Variants in STK3 observed in about 807,000 individuals in gnomAD.
STK3 encodes serine/threonine-protein kinase 3.
STK3 carries 41 observed loss-of-function variants against 58.0 expected under a neutral mutation model. That is an observed-to-expected ratio of 0.71 (90% CI 0.55 to 0.92). The LOEUF is 0.92. Ranked by LOEUF, STK3 falls within the 40% of genes least tolerant of loss-of-function variation. The pLI is 0.00. For missense variants in STK3, 479 were observed against 602.7 expected (o/e 0.79, Z 2.15); for synonymous variants, 170 against 191.0 (o/e 0.89, Z 0.91).
At chr8:98,369,928 G>A (rs1467740423), downstream of STK3, among the ~76,000 whole-genome samples, 1 of 152,024 alleles carries the variant, frequency 6.6e-6, no homozygotes, top group Admixed American at 6.5e-5. Flanking sequence ...TGGGGTGAGG[G>A]TTCCTGCGTG....
intron 8 of STK3, among the ~76,000 whole-genome samples, chr8:98,577,949 T>TA (rs958135042): frequency 2.3e-4 from 35 of 149,452 alleles, no homozygotes; most frequent in Middle Eastern, 3.5e-3. Context: ...TTAAGCATGT[T>TA]AAAAAAAAAA....
chr8:98,720,879 C>T (rs1333381146), intron 4 of STK3, among the ~76,000 whole-genome samples: 1 of 151,772 alleles, frequency 6.6e-6, no homozygotes, highest in Non-Finnish European at 1.5e-5. Flanking sequence ...ACCAACCAAT[C>T]AAAACAGCTA....
intron 4 of STK3, among the ~76,000 whole-genome samples, chr8:98,721,435 T>G (rs151206156): frequency 6.6e-6 from 1 of 152,002 alleles, no homozygotes; most frequent in Non-Finnish European, 1.5e-5. Context: ...CAGACTGAGG[T>G]GGGAGGATCA....
intron 6 of STK3, among the ~76,000 whole-genome samples, chr8:98,696,694 C>A (rs1303426992): frequency 6.6e-6 from 1 of 152,062 alleles, no homozygotes; most frequent in South Asian, 2.1e-4. Flanking sequence ...GTCTTGCATC[C>A]CAGGGATGAA....
At chr8:98,476,699 G>A in intron 10 of STK3, among the ~76,000 whole-genome samples, 2 of 152,262 alleles carry the variant, frequency 1.3e-5, no homozygotes, top group Non-Finnish European at 2.9e-5. Flanking sequence ...AATAGATTCT[G>A]GGTAAATGGT....
intron 1 of STK3, among the ~76,000 whole-genome samples, chr8:98,384,312 G>A (rs1320535433): frequency 6.6e-6 from 1 of 152,226 alleles, no homozygotes; most frequent in African/African-American, 2.4e-5. Flanking sequence ...AAAGACCATT[G>A]CAATAGGGGC....
intron 2 of STK3, among the ~76,000 whole-genome samples, chr8:98,434,510 C>T: frequency 6.6e-6 from 1 of 152,246 alleles, no homozygotes; most frequent in African/African-American, 2.4e-5. Context: ...ATGGCTGTTA[C>T]ATCCGGTCAA....
chr8:98,458,431 C>CTAT (rs1031276457), intron 10 of STK3, among the ~76,000 whole-genome samples: 2 of 151,940 alleles, frequency 1.3e-5, no homozygotes, highest in South Asian at 4.2e-4. Flanking sequence ...ATTGCTATTA[C>CTAT]TATTATTATT....
chr8:98,683,959 G>A (rs914049778), intron 6 of STK3, among the ~76,000 whole-genome samples: 1 of 152,034 alleles, frequency 6.6e-6, no homozygotes, highest in Non-Finnish European at 1.5e-5. Context: ...TCATTTGATG[G>A]AAAACTATGA....
At chr8:98,727,471 T>C (rs893740672) in intron 4 of STK3, among the ~76,000 whole-genome samples, 4 of 152,170 alleles carry the variant, frequency 2.6e-5, no homozygotes, top group Non-Finnish European at 5.9e-5. Flanking sequence ...TGAGCTGGCT[T>C]AGGCTGGGTT....
chr8:98,848,696 GC>G (rs1348906800), intron 3 of STK3, among the ~76,000 whole-genome samples: 1 of 152,102 alleles, frequency 6.6e-6, no homozygotes, highest in Admixed American at 6.6e-5. Flanking sequence ...TCCTTTTATT[GC>G]TGGATAATAT....
intron 3 of STK3, among the ~76,000 whole-genome samples, chr8:98,422,322 C>T (rs184818770): frequency 7.0e-4 from 107 of 152,272 alleles, no homozygotes; most frequent in African/African-American, 2.5e-3. Context: ...CCCCTCCCCC[C>T]ACTCCAACTT....
rs147377297 is a variant in STK3 at position 98,648,274 on chromosome 8, A to G, written c.685-52105T>C. On this transcript the variant is annotated intron_variant, in intron 6 of 10. Transcript: ENST00000419617. Reference sequence around the variant, plus strand: ...TCATAGCAAACAGTGGAATATAACTACATTAATTGGTATACACAGAACTCC... The same window carrying G: ...TCATAGCAAACAGTGGAATATAACTGCATTAATTGGTATACACAGAACTCC... Among the ~76,000 whole-genome samples the G allele has an allele frequency of 6.6e-4, 100 of 152,312 alleles. 1 individual carries two copies. Among genetic ancestry groups the G allele is most frequent in the African/African-American group, 2.3e-3 (97 of 41,568 alleles).
chr8:98,693,494 C>G (rs748856217), intron 6 of STK3, among the ~76,000 whole-genome samples: 1 of 151,994 alleles, frequency 6.6e-6, no homozygotes, highest in East Asian at 1.9e-4. Flanking sequence ...CTAAGGAAAA[C>G]AGGATTGCAG....
intron 1 of STK3, among the ~76,000 whole-genome samples, chr8:98,812,597 T>A (rs917553574): frequency 6.6e-6 from 1 of 152,264 alleles, no homozygotes; most frequent in Non-Finnish European, 1.5e-5. Flanking sequence ...ATATGTTTAC[T>A]GTGGCACAAT....
In STK3 at chr8:98,428,516, C is replaced by T; in HGVS notation, n.483+5611G>A. The T allele has an allele frequency of 6.2e-7, 1 of 1,614,144 alleles. No individual in the cohort carries two copies. Among genetic ancestry groups the T allele is most frequent in the Non-Finnish European group, 8.5e-7 (1 of 1,180,040 alleles). Reference sequence around the variant, plus strand: ...GGCAGCTGTGGCTGGCGCTGGACAACCCCGGCTACTCAGTGCTGAGCAGGG... The same window carrying T: ...GGCAGCTGTGGCTGGCGCTGGACAATCCCGGCTACTCAGTGCTGAGCAGGG... On this transcript the variant is annotated intron_variant and non_coding_transcript_variant, in intron 3 of 3. Transcript: ENST00000517832. This position sits in a 1 kb window ranked among gnomAD's most constrained non-coding sequence, Gnocchi z 6.7.
At chr8:98,711,061 G>C (rs754703269) in intron 4 of STK3, among the ~76,000 whole-genome samples, 21 of 152,172 alleles carry the variant, frequency 1.4e-4, no homozygotes, top group Non-Finnish European at 2.1e-4. Flanking sequence ...AACTCCAACA[G>C]ACCTGCAGCT....
the STK3 span, among the ~76,000 whole-genome samples, chr8:98,346,417 T>C: frequency 6.6e-6 from 1 of 151,546 alleles, no homozygotes; most frequent in East Asian, 1.9e-4. Context: ...GGAAATAATG[T>C]CCAAATTTTT....
downstream of STK3, chr8:98,883,309 T>C (rs1293954113): frequency 1.1e-5 from 2 of 186,462 alleles, no homozygotes; most frequent in African/African-American, 4.7e-5. Context: ...ACCATCCAGT[T>C]TGGAAACCAC....
Sources: gnomAD v4.1 joint callset for allele counts (sites outside exome capture counted in the v4.1 genomes callset) on GRCh38, gnomAD v4.1.1 for gene constraint, Gnocchi (gnomAD v3.1) non-coding constraint, MANE v1.5 for transcripts, NCBI Gene and HGNC (gene_info 2026-07-23, HGNC 2026-07-21) for gene names.